The following FSCN1 variants were observed in gnomAD, a reference collection of about 807,000 sequenced individuals.
FSCN1 encodes fascin.
A neutral mutation model predicts 39.7 loss-of-function variants in FSCN1; 10 were observed. The ratio of observed to expected loss-of-function variants is 0.25; its 90% CI spans 0.16 to 0.43. FSCN1 has a LOEUF of 0.43. Ranked by LOEUF, FSCN1 falls within the 20% of genes least tolerant of loss-of-function variation. The pLI, the probability that FSCN1 is intolerant of heterozygous loss-of-function variation, is 1.00. For synonymous variants in FSCN1, 322 were observed against 320.0 expected (o/e 1.01, Z -0.07); for missense variants, 525 against 723.8 (o/e 0.73, Z 3.15).
Position 5,594,130 on chromosome 7 carries a change from C to G in FSCN1, c.832+362C>G, listed in dbSNP as rs1338780709. 3 of 262,016 alleles carry G rather than the reference C, an allele frequency of 1.1e-5. No individual in the cohort carries two copies. The Admixed American group carries it at 1.6e-4, about 14-fold the overall frequency. The allele number at this position is 262,016 out of a possible 1,614,324, so 16.2% of individuals were successfully genotyped here. ...CCCAGCTCTTGCGGAGTGGGAGCCCCTCACCCATTTCCTCGTGCCCCTCCC... is the reference window on the plus strand; with the variant it reads ...CCCAGCTCTTGCGGAGTGGGAGCCCGTCACCCATTTCCTCGTGCCCCTCCC... On this transcript the variant is annotated intron_variant, in intron 1 of 4. Coordinates refer to ENST00000382361, the MANE Select transcript of FSCN1 (RefSeq NM_003088.4).
Position 5,599,315 on chromosome 7 carries a change from CAA to C in FSCN1, c.833-3941_833-3940del, listed in dbSNP as rs1323648679. ...AGGGGCGGGGCCAGGAACCCATAGA[CAA>C]GAGGGTGGGGCAGGGAAAGGGCGTG... On this transcript the variant is annotated intron_variant, in intron 1 of 4. Coordinates refer to ENST00000382361, the MANE Select transcript of FSCN1 (RefSeq NM_003088.4). This position sits in a 1 kb window ranked among gnomAD's most constrained non-coding sequence, Gnocchi z 5.6. Among the ~76,000 whole-genome samples the C allele has an allele frequency of 1.3e-5, 2 of 152,076 alleles. No individual in the cohort carries two copies. The highest frequency in any genetic ancestry group is 2.9e-5 in the Non-Finnish European group (2 of 67,980).
intron 1 of FSCN1, among the ~76,000 whole-genome samples, chr7:5,600,137 C>T (rs1785799243): frequency 6.6e-6 from 1 of 152,240 alleles, no homozygotes; most frequent in Admixed American, 6.5e-5. Flanking sequence ...GTGGGCTGGG[C>T]GCAGTGGCTC....
Position 5,603,603 on chromosome 7 carries a change from C to T in FSCN1, c.1097C>T (p.Ser366Leu), listed in dbSNP as rs746687931. Residue 366 changes from serine (S) to leucine (L), a missense_variant, in exon 3 of 5, where the codon TCG (serine) becomes TTG (leucine). By Grantham distance (145) the Ser-to-Leu change is moderately radical. This residue lies in a region of FSCN1 where 275 missense variants were observed against 351.9 expected (regional missense o/e 0.78). Transcript: ENST00000382361. This position sits in a 1 kb window ranked among gnomAD's most constrained non-coding sequence, Gnocchi z 8.5. ...AAGAAGAATGGGCAGCTGGCCGCCT[C>T]GGTGGAGACAGCAGGTAACACTAAA... The part of the protein sequence containing the change: ...TSKKNGQLAA[S>L]VETAGDSELF... The T allele has an allele frequency of 3.7e-5, 60 of 1,613,988 alleles. No homozygotes were observed. Among genetic ancestry groups the T allele is most frequent in the East Asian group, 6.7e-5 (3 of 44,902 alleles).
intron 1 of FSCN1, among the ~76,000 whole-genome samples, chr7:5,598,595 C>T (rs1321271180): frequency 6.6e-6 from 1 of 152,202 alleles, no homozygotes; most frequent in Non-Finnish European, 1.5e-5. Context: ...TGAGGACGAG[C>T]CCTGTAAACC....
chr7:5,598,874 C>T (rs1240062244), intron 1 of FSCN1, among the ~76,000 whole-genome samples: 1 of 152,266 alleles, frequency 6.6e-6, no homozygotes, highest in African/African-American at 2.4e-5. Flanking sequence ...CCGGCACAGG[C>T]CAGGGCCCAG....
At position 5,603,681 on chromosome 7, in the gene FSCN1, G is replaced by T. The variant is rs1014900007; in HGVS notation, c.1111+64G>T. 1.9e-6 allele frequency: 3 copies of T among 1,605,220 alleles called. No homozygotes were observed. The highest frequency in any genetic ancestry group is 2.7e-5 in the African/African-American group (2 of 74,716). On this transcript the variant is annotated intron_variant, in intron 3 of 4. Coordinates refer to ENST00000382361, the MANE Select transcript of FSCN1 (RefSeq NM_003088.4). The surrounding 1 kb of genome is among the most constrained non-coding windows in gnomAD (Gnocchi z 8.5). ...GTCCTGGAGGGTCTGGCCATGCCGT[G>T]GTCACTTGGTAGCCCCAGCCAAGGC...
At chr7:5,595,432 T>C (rs1368081036) in intron 1 of FSCN1, among the ~76,000 whole-genome samples, 1 of 152,180 alleles carries the variant, frequency 6.6e-6, no homozygotes, top group African/African-American at 2.4e-5. Flanking sequence ...TCAGCAGGCA[T>C]TGAGCCCTAC....
At chr7:5,601,944 C>T (rs1640239) in intron 1 of FSCN1, among the ~76,000 whole-genome samples, 151,566 of 151,720 alleles carry the variant, frequency 1, 75,706 homozygotes, top group Middle Eastern at 1. Context: ...AGAGACAGGG[C>T]TTAAAAAAAA....
At chr7:5,596,165 C>T (rs1785727006) in intron 1 of FSCN1, among the ~76,000 whole-genome samples, 1 of 146,560 alleles carries the variant, frequency 6.8e-6, no homozygotes, top group Non-Finnish European at 1.5e-5. Context: ...GCGTGGGGGG[C>T]GTGTCTGCAG....
intron 1 of FSCN1, among the ~76,000 whole-genome samples, chr7:5,596,595 T>C (rs1785734667): frequency 7.0e-6 from 1 of 142,414 alleles, no homozygotes; most frequent in African/African-American, 3.1e-5. Flanking sequence ...CTGTCTTCTC[T>C]CACATCTCTC....
intron 1 of FSCN1, among the ~76,000 whole-genome samples, chr7:5,598,817 G>A (rs1464361748): frequency 6.6e-6 from 1 of 152,204 alleles, no homozygotes; most frequent in Non-Finnish European, 1.5e-5. Context: ...TCCGATCAGC[G>A]GGGCTTCAGC....
In FSCN1 at chr7:5,596,943, G is replaced by A. The variant is rs567793238; in HGVS notation, c.832+3175G>A. ...CCTAAATGAGATGGAAGGAGTGCCT[G>A]TTTTGAACAAGCCAGGGGCATCTGG... On this transcript the variant is annotated intron_variant, in intron 1 of 4. Coordinates refer to ENST00000382361, the MANE Select transcript of FSCN1 (RefSeq NM_003088.4). 2.6e-5 allele frequency among the ~76,000 whole-genome samples: 4 copies of A among 152,338 alleles called. No homozygotes were observed. The East Asian group carries it at 7.7e-4, about 29-fold the overall frequency.
chr7:5,595,514 G>A (rs1322193341), intron 1 of FSCN1, among the ~76,000 whole-genome samples: 1 of 152,222 alleles, frequency 6.6e-6, no homozygotes, highest in East Asian at 1.9e-4. Context: ...GAAGTGTCAA[G>A]GAAAAGGCAG....
chr7:5,594,809 C>G (rs556811647), intron 1 of FSCN1: 8 of 152,252 alleles, frequency 5.3e-5, no homozygotes, highest in African/African-American at 1.9e-4. Context: ...CTCGGGAAGC[C>G]CCTACCCTCT....
intron 1 of FSCN1, among the ~76,000 whole-genome samples, chr7:5,596,281 G>C (rs917888310): frequency 6.6e-6 from 1 of 152,166 alleles, no homozygotes; most frequent in African/African-American, 2.4e-5. Flanking sequence ...TAGCTGGCAG[G>C]GGGGATGTGA....
In FSCN1 at chr7:5,599,012, G is replaced by C. The variant is rs1219605066; in HGVS notation, c.833-4245G>C. Among the ~76,000 whole-genome samples the C allele has an allele frequency of 6.6e-6, 1 of 152,220 alleles. No individual in the cohort carries two copies. Among genetic ancestry groups the C allele is most frequent in the Non-Finnish European group, 1.5e-5 (1 of 68,022 alleles). ...AGCCCTGCGGCTTCTGTGCAGTGGG[G>C]GTGGGGCGGGCCAGACCTTTGCAGG... On this transcript the variant is annotated intron_variant, in intron 1 of 4. Coordinates refer to ENST00000382361, the MANE Select transcript of FSCN1 (RefSeq NM_003088.4). The surrounding 1 kb of genome is among the most constrained non-coding windows in gnomAD (Gnocchi z 5.6).
chr7:5,604,774 T>C (rs1027699736), intron 4 of FSCN1, among the ~76,000 whole-genome samples: 1 of 152,208 alleles, frequency 6.6e-6, no homozygotes, highest in Non-Finnish European at 1.5e-5. Context: ...TAGCTGGGAC[T>C]ATGTGTGGGA....
chr7:5,595,166 C>G (rs748223230), intron 1 of FSCN1, among the ~76,000 whole-genome samples: 1 of 152,218 alleles, frequency 6.6e-6, no homozygotes, highest in Non-Finnish European at 1.5e-5. Context: ...CTGACGGCCC[C>G]CCTCTTGGCT....
chr7:5,603,005 T>C lies in FSCN1; in HGVS notation c.833-252T>C. On this transcript the variant is annotated intron_variant, in intron 1 of 4. Coordinates refer to ENST00000382361, the MANE Select transcript of FSCN1 (RefSeq NM_003088.4). This position sits in a 1 kb window ranked among gnomAD's most constrained non-coding sequence, Gnocchi z 8.5. ...GATCACAGGCATGAGCCCCTGTCCC[T>C]GGCCCCTATTATTTCTCTAACTGGG... The C allele has an allele frequency of 1.8e-6, 1 of 552,570 alleles. No homozygotes were observed. Among genetic ancestry groups the C allele is most frequent in the Non-Finnish European group, 3.2e-6 (1 of 308,062 alleles). The allele number at this position is 552,570 out of a possible 1,614,324, so 34.2% of individuals were successfully genotyped here. A position where few individuals can be genotyped will look rare whatever the true frequency, so the allele number is the denominator to read the frequency against.
Sources: allele counts gnomAD v4.1 joint callset (sites outside exome capture counted in the v4.1 genomes callset), GRCh38; gene constraint gnomAD v4.1.1; regional missense constraint gnomAD v4.1.1; non-coding constraint Gnocchi (gnomAD v3.1); transcripts MANE v1.5; gene names NCBI Gene and HGNC (gene_info 2026-07-23, HGNC 2026-07-21).